The following TENM2 variants were observed in gnomAD, a reference collection of about 807,000 sequenced individuals.
The protein encoded by TENM2 is teneurin transmembrane protein 2.
TENM2 carries 52 observed loss-of-function variants against 245.2 expected under a neutral mutation model. That is an observed-to-expected ratio of 0.21 (90% CI 0.17 to 0.27). The LOEUF (loss-of-function observed/expected upper bound fraction) is 0.27, where lower values mean the gene tolerates loss of function less well. TENM2 is among the 10% of genes least tolerant of loss of function. TENM2 has a pLI of 1.00. For missense variants in TENM2, 3,046 were observed against 3,666.8 expected, an observed-to-expected ratio of 0.83 and a Z score of 4.37; for synonymous variants, 1,363 against 1,438.9, an observed-to-expected ratio of 0.95 and a Z score of 1.19.
intron 2 of TENM2, among the ~76,000 whole-genome samples, chr5:167,421,095 G>A (rs1763477238): frequency 1.3e-5 from 2 of 152,164 alleles, no homozygotes; most frequent in Non-Finnish European, 2.9e-5. Flanking sequence ...GTGTTTTGAG[G>A]TCGTGGTTAA....
At chr5:168,085,913 G>A (rs1351206688) in intron 7 of TENM2, among the ~76,000 whole-genome samples, 2 of 152,254 alleles carry the variant, frequency 1.3e-5, no homozygotes, top group Non-Finnish European at 1.5e-5. Context: ...ATCGTCAGGA[G>A]GCCAGCAATG....
exon 10 of TENM2, chr5:168,118,341 G>A (rs371149219): frequency 4.0e-5 from 64 of 1,610,232 alleles, no homozygotes; most frequent in Admixed American, 3.5e-4. Flanking sequence ...CTAAAGGGAC[G>A]TGCCAGTGCT....
chr5:168,032,243 A>C (rs766171087), intron 5 of TENM2, among the ~76,000 whole-genome samples: 6 of 152,208 alleles, frequency 3.9e-5, no homozygotes, highest in Non-Finnish European at 8.8e-5. Flanking sequence ...TTCATGTCTA[A>C]ATATTTAAAG....
chr5:168,107,487 C>G (rs1284025284), intron 9 of TENM2, among the ~76,000 whole-genome samples: 2 of 152,178 alleles, frequency 1.3e-5, no homozygotes, highest in Non-Finnish European at 2.9e-5. Flanking sequence ...GGTTTCTCCC[C>G]CATGCCAGCC....
intron 2 of TENM2, among the ~76,000 whole-genome samples, chr5:167,649,342 T>G (rs1220679827): frequency 6.6e-6 from 1 of 152,172 alleles, no homozygotes; most frequent in African/African-American, 2.4e-5. Context: ...AGGAGTTTGA[T>G]GGGCAGGTGG....
At chr5:168,132,522 T>C (rs997444777) in intron 12 of TENM2, among the ~76,000 whole-genome samples, 2 of 152,234 alleles carry the variant, frequency 1.3e-5, no homozygotes, top group African/African-American at 4.8e-5. Context: ...GCTGTTCCCT[T>C]ACTGTTTCAG....
chr5:168,166,153 A>G (rs867204335), intron 13 of TENM2, among the ~76,000 whole-genome samples: 12 of 152,226 alleles, frequency 7.9e-5, no homozygotes, highest in African/African-American at 2.4e-4. Context: ...TTCGTGAGTT[A>G]TCAGGAAGGG....
chr5:167,526,394 A>ACACACACAC (rs60801098), intron 2 of TENM2, among the ~76,000 whole-genome samples: 9 of 151,518 alleles, frequency 5.9e-5, no homozygotes, highest in African/African-American at 1.9e-4. Flanking sequence ...ACACACACAC[A>ACACACACAC]GAAAAGAAGA....
intron 2 of TENM2, among the ~76,000 whole-genome samples, chr5:167,615,641 T>A (rs2127759001): frequency 6.6e-6 from 1 of 152,244 alleles, no homozygotes; most frequent in African/African-American, 2.4e-5. Context: ...AGACAGATTT[T>A]TTTTGAACCT....
At chr5:167,893,426 C>T (rs1016299335) in intron 3 of TENM2, among the ~76,000 whole-genome samples, 5 of 152,078 alleles carry the variant, frequency 3.3e-5, no homozygotes, top group Admixed American at 6.6e-5. Flanking sequence ...ACGAGGCGCA[C>T]GTATCAAGAC....
At chr5:167,638,851 G>C (rs1340371346) in intron 2 of TENM2, among the ~76,000 whole-genome samples, 1 of 152,202 alleles carries the variant, frequency 6.6e-6, no homozygotes, top group East Asian at 1.9e-4. Context: ...ATAATGAGGA[G>C]ATCTGTAGTT....
chr5:167,067,058 C>A, the TENM2 span, among the ~76,000 whole-genome samples: 1 of 152,064 alleles, frequency 6.6e-6, no homozygotes, highest in South Asian at 2.1e-4. Context: ...ATGTATTCAT[C>A]TAAAACAAAC....
At chr5:167,463,490 A>G (rs1025752275) in intron 2 of TENM2, among the ~76,000 whole-genome samples, 4 of 146,048 alleles carry the variant, frequency 2.7e-5, no homozygotes, top group African/African-American at 7.5e-5. Context: ...ATACTAGAAG[A>G]TATTTATTTT....
At chr5:167,446,784 T>C (rs1412385088) in intron 2 of TENM2, among the ~76,000 whole-genome samples, 1 of 127,472 alleles carries the variant, frequency 7.8e-6, no homozygotes, top group Admixed American at 9.0e-5. Context: ...ATCTCAGTTT[T>C]TGAAACACGC....
At chr5:167,736,327 A>G (rs1760794773) in intron 2 of TENM2, among the ~76,000 whole-genome samples, 1 of 152,178 alleles carries the variant, frequency 6.6e-6, no homozygotes, top group South Asian at 2.1e-4. Flanking sequence ...GGGAACTACA[A>G]TTCAAGATGA....
intron 2 of TENM2, among the ~76,000 whole-genome samples, chr5:167,702,573 CAT>C (rs754600304): frequency 6.9e-4 from 70 of 101,556 alleles, no homozygotes; most frequent in African/African-American, 1.8e-3. Context: ...TATATATATA[CAT>C]ATATATATAT....
intron 2 of TENM2, among the ~76,000 whole-genome samples, chr5:167,861,140 A>G (rs1771765473): frequency 6.6e-6 from 1 of 151,330 alleles, no homozygotes; most frequent in South Asian, 2.1e-4. Flanking sequence ...TGTCTATTTC[A>G]GGGTGTCTGC....
intron 25 of TENM2, among the ~76,000 whole-genome samples, chr5:168,238,176 A>AGG (rs1765685661): frequency 1.3e-5 from 1 of 78,038 alleles, no homozygotes; most frequent in Non-Finnish European, 2.1e-5. Context: ...AGAGAGAGAG[A>AGG]GAGAGAGAGG....
the TENM2 span, among the ~76,000 whole-genome samples, chr5:167,211,920 T>C: frequency 4.6e-5 from 7 of 152,192 alleles, no homozygotes; most frequent in Non-Finnish European, 8.8e-5. Context: ...CATAACCCTA[T>C]AAGATGAATT....
Sources: allele counts gnomAD v4.1 joint callset (sites outside exome capture counted in the v4.1 genomes callset), GRCh38; gene constraint gnomAD v4.1.1; transcripts MANE v1.5; gene names NCBI Gene and HGNC (gene_info 2026-07-23, HGNC 2026-07-21).